CDH9: variants seen among roughly 807,000 people sequenced by gnomAD.
The protein encoded by CDH9 is cadherin 9.
In CDH9, 28 loss-of-function variants were observed where a neutral mutation model predicts 70.9. The ratio of observed to expected loss-of-function variants is 0.40; its 90% CI spans 0.29 to 0.54. CDH9 has a LOEUF of 0.54. Ranked by LOEUF, CDH9 falls within the 20% of genes least tolerant of loss-of-function variation. The pLI, the probability that CDH9 is intolerant of heterozygous loss-of-function variation, is 0.59. For synonymous variants in CDH9, 409 were observed against 343.1 expected (o/e 1.19, Z -2.12); for missense variants, 874 against 984.4 (o/e 0.89, Z 1.50).
At chr5:26,997,872 G>C (rs1301714676) in intron 1 of CDH9, among the ~76,000 whole-genome samples, 1 of 152,000 alleles carries the variant, frequency 6.6e-6, no homozygotes, top group Non-Finnish European at 1.5e-5. Context: ...GCTAATTTTT[G>C]TATTTTTAGT....
intron 2 of CDH9, among the ~76,000 whole-genome samples, chr5:26,977,462 T>C (rs1291310449): frequency 1.4e-5 from 2 of 137,976 alleles, no homozygotes; most frequent in East Asian, 2.0e-4. Context: ...TATAGAGATA[T>C]ATATGTGTGC....
chr5:26,921,464 A>T (rs13354491), intron 2 of CDH9, among the ~76,000 whole-genome samples: 3,034 of 152,280 alleles, frequency 0.02, 97 homozygotes, highest in African/African-American at 0.071. Context: ...ACCAAGTAAT[A>T]GTCACTGAGA....
At chr5:26,933,101 A>T (rs1480982268) in intron 2 of CDH9, among the ~76,000 whole-genome samples, 1 of 147,424 alleles carries the variant, frequency 6.8e-6, no homozygotes, top group Admixed American at 6.8e-5. Context: ...TATTTATATT[A>T]TACAAATATA....
chr5:27,034,180 A>G (rs138650743), intron 1 of CDH9, among the ~76,000 whole-genome samples: 190 of 151,856 alleles, frequency 1.3e-3, no homozygotes, highest in Middle Eastern at 0.01. Flanking sequence ...TCATATTCAA[A>G]TTTAAATAAT....
intron 2 of CDH9, among the ~76,000 whole-genome samples, chr5:26,918,627 G>A (rs1741189922): frequency 6.6e-6 from 1 of 152,198 alleles, no homozygotes; most frequent in African/African-American, 2.4e-5. Context: ...GCACACCTCA[G>A]TATGGGTGAC....
chr5:27,030,867 T>A (rs1743299422), intron 1 of CDH9, among the ~76,000 whole-genome samples: 1 of 151,890 alleles, frequency 6.6e-6, no homozygotes, highest in Admixed American at 6.6e-5. Flanking sequence ...TCTTTACATC[T>A]AGATATAATT....
At chr5:26,909,728 A>G (rs1327493715) in intron 3 of CDH9, among the ~76,000 whole-genome samples, 2 of 151,816 alleles carry the variant, frequency 1.3e-5, no homozygotes, top group East Asian at 1.9e-4. Context: ...AATAGAAAAT[A>G]TGTTAAGGAA....
rs1456169414 is a variant in CDH9, at chr5:26,959,485, C to T, written c.228+28621G>A. On this transcript the variant is annotated intron_variant, in intron 2 of 11. Coordinates refer to ENST00000231021, the MANE Select transcript of CDH9 (RefSeq NM_016279.4). ...AGTTAAACAGAATTATTATATGACTCAGCAATTCTACTTCTTCTTATTTAC... is the reference window on the plus strand; with the variant it reads ...AGTTAAACAGAATTATTATATGACTTAGCAATTCTACTTCTTCTTATTTAC... 2.6e-5 allele frequency among the ~76,000 whole-genome samples: 4 copies of T among 152,064 alleles called. No homozygotes were observed. The South Asian group carries it at 6.2e-4, about 24-fold the overall frequency.
chr5:26,982,012 T>C (rs558822186), intron 2 of CDH9, among the ~76,000 whole-genome samples: 3 of 152,188 alleles, frequency 2.0e-5, no homozygotes, highest in Admixed American at 6.6e-5. Flanking sequence ...CTCCATACCC[T>C]TCTGAAGATA....
intron 1 of CDH9, among the ~76,000 whole-genome samples, chr5:27,036,749 A>G (rs948299985): frequency 3.3e-5 from 5 of 151,758 alleles, no homozygotes; most frequent in Admixed American, 2.6e-4. Flanking sequence ...TTTTCAAAAC[A>G]CATATAGAGA....
At chr5:27,032,757 T>C (rs1230436611) in intron 1 of CDH9, among the ~76,000 whole-genome samples, 1 of 151,388 alleles carries the variant, frequency 6.6e-6, no homozygotes, top group Non-Finnish European at 1.5e-5. Flanking sequence ...AAATATACAA[T>C]CAAGCACATT....
chr5:27,002,481 T>G (rs1210450322), intron 1 of CDH9, among the ~76,000 whole-genome samples: 1 of 152,174 alleles, frequency 6.6e-6, no homozygotes, highest in African/African-American at 2.4e-5. Context: ...GTATGTTTAT[T>G]GTGGCACTAT....
chr5:27,025,727 G>A (rs747962712), intron 1 of CDH9, among the ~76,000 whole-genome samples: 27 of 151,964 alleles, frequency 1.8e-4, no homozygotes, highest in African/African-American at 4.6e-4. Context: ...GACCTTTGGC[G>A]ACATTTGAGA....
At chr5:26,970,538 G>T (rs1232029749) in intron 2 of CDH9, among the ~76,000 whole-genome samples, 1 of 152,042 alleles carries the variant, frequency 6.6e-6, no homozygotes, top group Admixed American at 6.6e-5. Flanking sequence ...GTTGCTTCAT[G>T]ATCAAGCTTT....
chr5:26,994,632 A>G (rs1229849108), intron 1 of CDH9, among the ~76,000 whole-genome samples: 1 of 152,040 alleles, frequency 6.6e-6, no homozygotes, highest in Non-Finnish European at 1.5e-5. Flanking sequence ...AACCAGAAAG[A>G]GTGCTGTCAT....
rs1485174850 is a variant in CDH9, at chr5:26,906,700, C to T, written c.643+19G>A. The T allele has an allele frequency of 4.3e-6, 7 of 1,611,286 alleles. No individual in the cohort carries two copies. In the Admixed American group the frequency reaches 6.7e-5, roughly 15 times the overall value. On this transcript the variant is annotated intron_variant, in intron 4 of 11. Coordinates refer to ENST00000231021, the MANE Select transcript of CDH9 (RefSeq NM_016279.4). The stretch of plus-strand genomic sequence containing the variant: ...AATGTATTATACAATAAGAAGTCAG[C>T]CAAGTTTAAATGTTGTACCTGATTC...
chr5:27,034,048 T>C (rs973480096), intron 1 of CDH9, among the ~76,000 whole-genome samples: 5 of 151,710 alleles, frequency 3.3e-5, no homozygotes, highest in African/African-American at 9.7e-5. Context: ...AAAAGCTTAT[T>C]ACACTTTGGA....
At chr5:27,028,774 G>A (rs1021615419) in intron 1 of CDH9, among the ~76,000 whole-genome samples, 3 of 151,766 alleles carry the variant, frequency 2.0e-5, no homozygotes, top group Non-Finnish European at 4.4e-5. Flanking sequence ...TTAAAATACA[G>A]GAAAAAACCA....
chr5:26,888,905 T>C (rs1295530797), intron 9 of CDH9, among the ~76,000 whole-genome samples: 1 of 152,206 alleles, frequency 6.6e-6, no homozygotes, highest in East Asian at 1.9e-4. Context: ...CTTTGTATGC[T>C]AATTCCATCA....
Sources: gnomAD v4.1 joint callset for allele counts (sites outside exome capture counted in the v4.1 genomes callset) on GRCh38, gnomAD v4.1.1 for gene constraint, MANE v1.5 for transcripts, NCBI Gene and HGNC (gene_info 2026-07-23, HGNC 2026-07-21) for gene names.